RBFOX1: variants seen among roughly 807,000 people sequenced by gnomAD.
RBFOX1 encodes RNA binding fox-1 homolog 1.
Under a neutral mutation model 57.7 loss-of-function variants are expected in RBFOX1, and 8 were observed. The ratio of observed to expected loss-of-function variants is 0.14; its 90% CI spans 0.08 to 0.25. The LOEUF (loss-of-function observed/expected upper bound fraction) is 0.25, where lower values mean the gene tolerates loss of function less well. Among genes scored for constraint, RBFOX1 ranks in the 10% least tolerant of loss-of-function variants. The probability of loss-of-function intolerance (pLI) is 1.00; values close to 1 mark genes in which losing one functional copy is unlikely to be tolerated. For missense variants in RBFOX1, 611 were observed against 548.5 expected (o/e 1.11, Z -1.14); for synonymous variants, 326 against 222.4 (o/e 1.47, Z -4.15).
At chr16:6,722,331 C>T (rs1429914210) in intron 3 of RBFOX1, among the ~76,000 whole-genome samples, 1 of 152,092 alleles carries the variant, frequency 6.6e-6, no homozygotes, top group Non-Finnish European at 1.5e-5. Context: ...TTTTTGTTTG[C>T]TTGTTTGTTT....
At chr16:6,796,239 A>G (rs1169457747) in intron 3 of RBFOX1, among the ~76,000 whole-genome samples, 1 of 152,136 alleles carries the variant, frequency 6.6e-6, no homozygotes, top group Non-Finnish European at 1.5e-5. Context: ...TGAAGAGAAC[A>G]GTGAAGGAAA....
chr16:6,714,225 C>A (rs1267674281), intron 3 of RBFOX1, among the ~76,000 whole-genome samples: 2 of 152,138 alleles, frequency 1.3e-5, no homozygotes, highest in Admixed American at 1.3e-4. Flanking sequence ...TGAGGCCTCT[C>A]CAGCCATGCA....
chr16:7,564,261 C>T (rs1252989831), intron 5 of RBFOX1, among the ~76,000 whole-genome samples: 4 of 151,944 alleles, frequency 2.6e-5, no homozygotes, highest in East Asian at 3.9e-4. Flanking sequence ...GCACTCAAGC[C>T]GGGCGTGGTG....
intron 4 of RBFOX1, among the ~76,000 whole-genome samples, chr16:5,972,858 C>T (rs1055689618): frequency 6.6e-6 from 1 of 152,176 alleles, no homozygotes; most frequent in African/African-American, 2.4e-5. Context: ...TAAATCTTGT[C>T]TTCAAGATCA....
chr16:5,287,780 A>G (rs1348180728), intron 1 of RBFOX1, among the ~76,000 whole-genome samples: 1 of 152,230 alleles, frequency 6.6e-6, no homozygotes, highest in Non-Finnish European at 1.5e-5. Flanking sequence ...TCCAGTGGCC[A>G]AAGCTAGACA....
intron 3 of RBFOX1, among the ~76,000 whole-genome samples, chr16:6,685,023 G>A (rs2059215525): frequency 6.6e-6 from 1 of 152,130 alleles, no homozygotes; most frequent in East Asian, 1.9e-4. Flanking sequence ...GGAATAGTGA[G>A]GAACTTGCCT....
chr16:7,420,914 T>C (rs915055268), intron 4 of RBFOX1, among the ~76,000 whole-genome samples: 7 of 145,590 alleles, frequency 4.8e-5, no homozygotes, highest in East Asian at 2.0e-4. Context: ...TATATATACA[T>C]ATATATATAT....
chr16:6,295,754 C>A (rs117926503), intron 1 of RBFOX1, among the ~76,000 whole-genome samples: 1,629 of 152,178 alleles, frequency 0.011, 13 homozygotes, highest in Middle Eastern at 0.02. Flanking sequence ...GGGACAGGGG[C>A]AATGGCTCAG....
intron 2 of RBFOX1, among the ~76,000 whole-genome samples, chr16:6,492,476 G>A (rs767608107): frequency 4.6e-4 from 70 of 152,164 alleles, no homozygotes; most frequent in Non-Finnish European, 1.6e-4. Context: ...GGCTGAGGCA[G>A]GAGAATCGCT....
intron 4 of RBFOX1, among the ~76,000 whole-genome samples, chr16:7,128,538 T>C (rs922330029): frequency 1.3e-5 from 2 of 152,084 alleles, no homozygotes; most frequent in South Asian, 2.1e-4. Context: ...CTTAGTGAGG[T>C]AGAGATACAG....
intron 1 of RBFOX1, among the ~76,000 whole-genome samples, chr16:5,405,069 A>C (rs987505220): frequency 6.6e-6 from 1 of 152,196 alleles, no homozygotes; most frequent in Non-Finnish European, 1.5e-5. Context: ...GAATCTGTGC[A>C]AAGAGAGGTT....
At chr16:7,078,889 T>TTTTTTA (rs1555454750) in intron 4 of RBFOX1, among the ~76,000 whole-genome samples, 2 of 141,538 alleles carry the variant, frequency 1.4e-5, no homozygotes, top group African/African-American at 2.7e-5. Context: ...TTTTTTTTTT[T>TTTTTTA]AGTGAAGATG....
chr16:6,928,423 G>A (rs936972603), intron 3 of RBFOX1, among the ~76,000 whole-genome samples: 1 of 152,142 alleles, frequency 6.6e-6, no homozygotes, highest in Non-Finnish European at 1.5e-5. Context: ...GGATAATGAA[G>A]GGGTGAGCTG....
chr16:7,442,895 A>T (rs542336591), intron 4 of RBFOX1, among the ~76,000 whole-genome samples: 2 of 152,314 alleles, frequency 1.3e-5, no homozygotes, highest in Admixed American at 6.5e-5. Flanking sequence ...AAACTCCATC[A>T]AGGAGATGAT....
chr16:5,844,705 G>A (rs118168141), intron 3 of RBFOX1, among the ~76,000 whole-genome samples: 1,871 of 152,252 alleles, frequency 0.012, 14 homozygotes, highest in Non-Finnish European at 0.019. Context: ...TCTTAGAATC[G>A]GATTAGTCAT....
At chr16:6,314,135 G>T (rs1420799598) in intron 1 of RBFOX1, among the ~76,000 whole-genome samples, 1 of 152,102 alleles carries the variant, frequency 6.6e-6, no homozygotes, top group Non-Finnish European at 1.5e-5. Context: ...ACCAAAGAAG[G>T]CCCAGTTGCT....
chr16:5,920,035 G>A (rs547397445), intron 4 of RBFOX1, among the ~76,000 whole-genome samples: 3 of 152,280 alleles, frequency 2.0e-5, no homozygotes, highest in Non-Finnish European at 2.9e-5. Flanking sequence ...CGGGCTTCAC[G>A]TCATTCTCCT....
chr16:5,656,854 T>C (rs1016319216), intron 3 of RBFOX1, among the ~76,000 whole-genome samples: 3 of 152,166 alleles, frequency 2.0e-5, no homozygotes, highest in Non-Finnish European at 2.9e-5. Flanking sequence ...ATACCGCATG[T>C]TCTCACTCAT....
intron 3 of RBFOX1, among the ~76,000 whole-genome samples, chr16:7,010,645 G>C (rs1276418231): frequency 1.3e-5 from 2 of 151,952 alleles, no homozygotes; most frequent in South Asian, 2.1e-4. Context: ...TGGCTCTCTG[G>C]TACCGCCTCC....
Sources: gnomAD v4.1 joint callset for allele counts (sites outside exome capture counted in the v4.1 genomes callset) on GRCh38, gnomAD v4.1.1 for gene constraint, MANE v1.5 for transcripts, NCBI Gene and HGNC (gene_info 2026-07-23, HGNC 2026-07-21) for gene names.